The following HYOU1 variants were observed in gnomAD, a reference collection of about 807,000 sequenced individuals.
HYOU1 encodes the protein hypoxia up-regulated protein 1.
Under a neutral mutation model 120.5 loss-of-function variants are expected in HYOU1, and 40 were observed. That is an observed-to-expected ratio of 0.33 (90% CI 0.26 to 0.43). The LOEUF (loss-of-function observed/expected upper bound fraction) is 0.43, where lower values mean the gene tolerates loss of function less well. HYOU1 is among the 20% of genes least tolerant of loss of function. The pLI is 1.00. For synonymous variants in HYOU1, 501 were observed against 479.4 expected (o/e 1.05, Z -0.59); for missense variants, 1,085 against 1,278.3 (o/e 0.85, Z 2.31).
intron 6 of HYOU1, 31 bp from the exon 7 acceptor site, chr11:119,054,706 G>T: frequency 1.3e-6 from 2 of 1,597,644 alleles, no homozygotes; most frequent in Middle Eastern, 1.7e-4. Context: ...GGGTCCCGCC[G>T]GCTCCATACC....
In HYOU1 at chr11:119,052,823, G is replaced by A. The variant is rs2133596069; in HGVS notation, c.801C>T (p.Asp267=). The A allele has an allele frequency of 1.4e-5, 22 of 1,612,248 alleles. No individual in the cohort carries two copies. Among genetic ancestry groups the A allele is most frequent in the Non-Finnish European group, 1.9e-5 (22 of 1,179,310 alleles). The change falls in exon 9 of 26, where the codon GAC becomes GAT. Residue 267 remains aspartate, a synonymous_variant. Coordinates refer to ENST00000617285, the MANE Select transcript of HYOU1 (RefSeq NM_006389.5). This position sits in a 1 kb window ranked among gnomAD's most constrained non-coding sequence, Gnocchi z 5.0. ...PQLQIRGVGF[D]RTLGGLEMEL... Reference sequence around the variant, plus strand: ...CCATCTCCAGGCCCCCCAGGGTACGGTCAAATCTGTTGAGAAAAGGGAGCA... The same window carrying A: ...CCATCTCCAGGCCCCCCAGGGTACGATCAAATCTGTTGAGAAAAGGGAGCA...
Position 119,053,899 on chromosome 11 carries a change from T to C in HYOU1, c.794+222A>G, listed in dbSNP as rs1592152442. ...TGCGGCTCCATGGATTTCCTTAGAA[T>C]ACATTTTGAAAGTTCCATGTCTTCC... On this transcript the variant is annotated intron_variant, in intron 8 of 25. Coordinates refer to ENST00000617285, the MANE Select transcript of HYOU1 (RefSeq NM_006389.5). The C allele has an allele frequency of 6.3e-6, 3 of 474,230 alleles. No individual in the cohort carries two copies. In the East Asian group the frequency reaches 1.1e-4, roughly 17 times the overall value. The allele number at this position is 474,230 out of a possible 1,614,324, so 29.4% of individuals were successfully genotyped here.
At chr11:119,053,789 G>A (rs1453819343) in intron 8 of HYOU1, 2 of 206,894 alleles carry the variant, frequency 9.7e-6, no homozygotes, top group Non-Finnish European at 1.9e-5. Context: ...TTAAAAAGAG[G>A]TAAGACAACA....
At chr11:119,046,824 G>A (rs1270694000) in intron 22 of HYOU1, 22 bp from the exon 23 acceptor site, 2 of 1,597,056 alleles carry the variant, frequency 1.3e-6, no homozygotes, top group African/African-American at 2.7e-5. Context: ...ACCAGGAGAG[G>A]CTCCAAGCTA....
Position 119,055,404 on chromosome 11 carries a change from A to G in HYOU1, c.265-65T>C. The stretch of plus-strand genomic sequence containing the variant: ...AAGTCCACCATTACCTACCTCTTAC[A>G]TCACAGAGACTGATAAGGAAACAGA... On this transcript the variant is annotated intron_variant, in intron 4 of 25. Transcript: ENST00000617285. This position sits in a 1 kb window ranked among gnomAD's most constrained non-coding sequence, Gnocchi z 4.0. The G allele has an allele frequency of 6.2e-7, 1 of 1,606,950 alleles. No homozygotes were observed. The highest frequency in any genetic ancestry group is 8.5e-7 in the Non-Finnish European group (1 of 1,174,192).
Position 119,048,004 on chromosome 11 carries a change from C to T in HYOU1, c.2453G>A (p.Trp818Ter). Residue 818 changes from tryptophan (W) to a stop codon, truncating the protein, a stop_gained, in exon 21 of 26, where the codon TGG becomes TAG. Transcript: ENST00000617285. LOFTEE classifies it high-confidence loss of function. The surrounding 1 kb of genome is among the most constrained non-coding windows in gnomAD (Gnocchi z 4.7). ...LFFRVEERKK[W>*]PERLSALDNL... Reference sequence around the variant, plus strand: ...ATCGAGGGCAGACAGCCGTTCGGGCCACTTCTTGCGCTCCTCTACCCGAAA... The same window carrying T: ...ATCGAGGGCAGACAGCCGTTCGGGCTACTTCTTGCGCTCCTCTACCCGAAA... 6.2e-7 allele frequency: 1 copy of T among 1,614,194 alleles called. No homozygotes were observed. The highest frequency in any genetic ancestry group is 8.5e-7 in the Non-Finnish European group (1 of 1,180,030).
chr11:119,046,439 T>C lies in HYOU1; in HGVS notation c.2865A>G (p.Ser955=). 6.2e-7 allele frequency: 1 copy of C among 1,614,156 alleles called. No homozygotes were observed. Among genetic ancestry groups the C allele is most frequent in the African/African-American group, 1.3e-5 (1 of 75,048 alleles). The change falls in exon 24 of 26, where the codon TCA becomes TCG. Residue 955 remains serine (S), a synonymous_variant. Coordinates refer to ENST00000617285, the MANE Select transcript of HYOU1 (RefSeq NM_006389.5). ...CACCAGTCTCTACTTTCTCAGGTTC[T>C]GAAATGGGCTCTGCATCTTCAGTCT... ...AGQTEDAEPI[S]EPEKVETGSE... is the part of the protein sequence containing the mutation.
Position 119,052,906 on chromosome 11 carries a change from C to A in HYOU1, c.795-77G>T. ...CATCTGCACAGGAGCCTCTCATCCCCACATGGCACCTTTCCTTCATCTCAG... is the reference window on the plus strand; with the variant it reads ...CATCTGCACAGGAGCCTCTCATCCCAACATGGCACCTTTCCTTCATCTCAG... On this transcript the variant is annotated intron_variant, in intron 8 of 25. Coordinates refer to ENST00000617285, the MANE Select transcript of HYOU1 (RefSeq NM_006389.5). The surrounding 1 kb of genome is among the most constrained non-coding windows in gnomAD (Gnocchi z 5.0). The A allele has an allele frequency of 7.6e-7, 1 of 1,319,258 alleles. No homozygotes were observed. Among genetic ancestry groups the A allele is most frequent in the South Asian group, 1.4e-5 (1 of 69,732 alleles). The allele number at this position is 1,319,258 out of a possible 1,614,324, so 81.7% of individuals were successfully genotyped here.
chr11:119,050,460 T>C (rs1402005901), intron 14 of HYOU1, among the ~76,000 whole-genome samples: 1 of 152,004 alleles, frequency 6.6e-6, no homozygotes, highest in Admixed American at 6.6e-5. Context: ...CTCCCACCCA[T>C]AATCCCTGTA....
intron 6 of HYOU1, 86 bp downstream of exon 6, chr11:119,054,898 C>T (rs1029243747): frequency 1.4e-6 from 2 of 1,395,852 alleles, no homozygotes; most frequent in African/African-American, 2.9e-5. Flanking sequence ...TAAATGTTCC[C>T]TGGGAGGCAA....
intron 23 of HYOU1, 27 bp from the exon 24 acceptor site, chr11:119,046,494 A>G (rs1944085202): frequency 6.2e-7 from 1 of 1,614,116 alleles, no homozygotes; most frequent in Non-Finnish European, 8.5e-7. Context: ...GGTAAGACAT[A>G]GCCTCAGGAA....
chr11:119,053,917 T>C, intron 8 of HYOU1: 2 of 500,304 alleles, frequency 4.0e-6, no homozygotes, highest in East Asian at 3.3e-5. Flanking sequence ...GAAAGTTCCA[T>C]GTCTTCCAGT....
At chr11:119,056,493 T>C in intron 1 of HYOU1, 1 of 423,998 alleles carries the variant, frequency 2.4e-6, no homozygotes, top group Non-Finnish European at 4.6e-6. Context: ...CGCAGCACTG[T>C]GCCTGTTGTC....
At position 119,049,987 on chromosome 11, in the gene HYOU1, C is replaced by T. The variant is rs2133576959; in HGVS notation, c.1666-150G>A. ...TTTTCTAAGGACTTGGAGGTGGCTG[C>T]CCATCTCCTTTGATTAAGAGCCCTC... On this transcript the variant is annotated intron_variant, in intron 14 of 25. Transcript: ENST00000617285. The T allele has an allele frequency of 3.2e-5, 23 of 727,494 alleles. No individual in the cohort carries two copies. In the African/African-American group the frequency reaches 3.8e-4, roughly 12 times the overall value. 45.1% of individuals were successfully genotyped at this position (727,494 alleles called of 1,614,324 possible). A position where few individuals can be genotyped will look rare whatever the true frequency, so the allele number is the denominator to read the frequency against.
rs1944646640 is a variant in HYOU1 at position 119,054,691 on chromosome 11, G to T, written c.497-16C>A. 1.2e-6 allele frequency: 2 copies of T among 1,606,046 alleles called. No homozygotes were observed. ...ATGGGCTGCTCTACAGATGACAACA[G>T]AAAAGGGTCCCGCCGGCTCCATACC... is the stretch of plus-strand genomic sequence containing the variant. On this transcript the variant is annotated splice_polypyrimidine_tract_variant and intron_variant, in intron 6 of 25. Transcript: ENST00000617285.
chr11:119,047,769 T>C lies in HYOU1; in HGVS notation c.2560A>G (p.Met854Val). The C allele has an allele frequency of 6.2e-7, 1 of 1,614,086 alleles. No individual in the cohort carries two copies. Among genetic ancestry groups the C allele is most frequent in the Non-Finnish European group, 8.5e-7 (1 of 1,180,016 alleles). The change falls in exon 22 of 26, where the codon ATG (methionine) becomes GTG (valine). Residue 854 changes from methionine to valine, a missense_variant. Physicochemically the swap from Met to Val is conservative, Grantham distance 21. Around this residue, in one of 4 missense-constraint regions of HYOU1, gnomAD observed 516 missense variants for 517.1 expected, o/e 1.00. Transcript: ENST00000617285. ...TTGATGACTTTCTCTAACGTTGTCATCTCCACCTCAGTGAAGATCTGGTCC... is the reference window on the plus strand; with the variant it reads ...TTGATGACTTTCTCTAACGTTGTCACCTCCACCTCAGTGAAGATCTGGTCC... The part of the protein sequence containing the change: ...EMDQIFTEVE[M>V]TTLEKVINET...
chr11:119,048,105 G>A lies in HYOU1; in HGVS notation c.2377-25C>T, dbSNP rs2133561052. The A allele has an allele frequency of 2.4e-5, 39 of 1,613,538 alleles. No individual in the cohort carries two copies. Among genetic ancestry groups the A allele is most frequent in the Non-Finnish European group, 3.2e-5 (38 of 1,180,058 alleles). ...TCTGATGGATGTGCGATTGGGCAGA[G>A]GGGTGGAAGGGACGACAGCAGAGCC... On this transcript the variant is annotated intron_variant, in intron 20 of 25. Transcript: ENST00000617285. The surrounding 1 kb of genome is among the most constrained non-coding windows in gnomAD (Gnocchi z 4.7).
In HYOU1 at chr11:119,048,274, C is replaced by T; in HGVS notation, c.2350G>A (p.Asp784Asn). 6.2e-7 allele frequency: 1 copy of T among 1,611,710 alleles called. No individual in the cohort carries two copies. Among genetic ancestry groups the T allele is most frequent in the Non-Finnish European group, 8.5e-7 (1 of 1,179,992 alleles). Reference sequence around the variant, plus strand: ...ACTGTGGTGGCTCCAACACCCTCATCCTCCAGCCAGGTGGATGCGGCGCTG... The same window carrying T: ...ACTGTGGTGGCTCCAACACCCTCATTCTCCAGCCAGGTGGATGCGGCGCTG... ...KLSAASTWLE[D>N]EGVGATTVML... The change falls in exon 20 of 26, where the codon GAT (aspartate) becomes AAT (asparagine). Residue 784 changes from aspartate to asparagine, a missense_variant. Transcript: ENST00000617285. The surrounding 1 kb of genome is among the most constrained non-coding windows in gnomAD (Gnocchi z 4.7).
Position 119,052,243 on chromosome 11 carries a change from G to C in HYOU1, c.1122+52C>G. 6 of 1,614,030 alleles carry C rather than the reference G, an allele frequency of 3.7e-6. No individual in the cohort carries two copies. The highest frequency in any genetic ancestry group is 5.1e-6 in the Non-Finnish European group (6 of 1,179,920). On this transcript the variant is annotated intron_variant, in intron 10 of 25. Transcript: ENST00000617285. This position sits in a 1 kb window ranked among gnomAD's most constrained non-coding sequence, Gnocchi z 5.0. Reference sequence around the variant, plus strand: ...TGACTCGTCCCTTGACGTCCCATGGGTTTCCTATGCCCTTTCCTACGGGGC... The same window carrying C: ...TGACTCGTCCCTTGACGTCCCATGGCTTTCCTATGCCCTTTCCTACGGGGC...
Sources: allele counts gnomAD v4.1 joint callset (sites outside exome capture counted in the v4.1 genomes callset), GRCh38; gene constraint gnomAD v4.1.1; regional missense constraint gnomAD v4.1.1; non-coding constraint Gnocchi (gnomAD v3.1); transcripts MANE v1.5; gene names NCBI Gene and HGNC (gene_info 2026-07-23, HGNC 2026-07-21).